The following PEX11G variants were observed in gnomAD, a reference collection of about 807,000 sequenced individuals.
PEX11G encodes the protein peroxisomal membrane protein 11C.
Under a neutral mutation model 22.5 loss-of-function variants are expected in PEX11G, and 20 were observed. That is an observed-to-expected ratio of 0.89 (90% CI 0.62 to 1.29). The LOEUF (loss-of-function observed/expected upper bound fraction) is 1.29. Among genes scored for constraint, PEX11G ranks in the 50% most tolerant of loss-of-function variants. PEX11G has a pLI of 0.00. For synonymous variants in PEX11G, 141 were observed against 154.5 expected, an observed-to-expected ratio of 0.91 and a Z score of 0.65; for missense variants, 347 against 331.3, an observed-to-expected ratio of 1.05 and a Z score of -0.37.
upstream of PEX11G, among the ~76,000 whole-genome samples, chr19:7,491,301 ACT>A (rs2021886142): frequency 8.6e-6 from 1 of 116,820 alleles, no homozygotes; most frequent in Non-Finnish European, 1.6e-5. Context: ...ACAGAGTCTC[ACT>A]CTGTCACCCA....
chr19:7,493,477 G>A (rs150809079), upstream of PEX11G, among the ~76,000 whole-genome samples: 1,623 of 150,224 alleles, frequency 0.011, 19 homozygotes, highest in Middle Eastern at 0.029. Flanking sequence ...TTACAGGCAT[G>A]GGCCACCATG....
chr19:7,487,071 A>G (rs1363041205), intron 1 of PEX11G, among the ~76,000 whole-genome samples: 3 of 152,156 alleles, frequency 2.0e-5, no homozygotes, highest in Admixed American at 6.6e-5. Context: ...AAAAGAAAAA[A>G]AAAGCTGGAA....
intron 3 of PEX11G, among the ~76,000 whole-genome samples, chr19:7,481,120 C>T (rs989190797): frequency 3.3e-5 from 5 of 152,116 alleles, no homozygotes; most frequent in Admixed American, 3.3e-4. Context: ...AGTCATGACC[C>T]CTTCTAAAAT....
intron 1 of PEX11G, among the ~76,000 whole-genome samples, chr19:7,494,525 T>C (rs2021944302): frequency 6.6e-6 from 1 of 152,186 alleles, no homozygotes; most frequent in Non-Finnish European, 1.5e-5. Context: ...AACAGCGCAA[T>C]GCATTTGCCC....
chr19:7,488,983 C>A lies in PEX11G; in HGVS notation c.28G>T (p.Ala10Ser). ...TCCCGGCCCCTGTACGACTCCAGCG[C>A]CGACGCCAGGCCGCTCAGCGACGCC... MASLSGLAS[A>S]LESYRGRDRL... Residue 10 changes from alanine (A) to serine (S), a missense_variant, in exon 1 of 5, where the codon GCG becomes TCG. Coordinates refer to ENST00000221480, the MANE Select transcript of PEX11G (RefSeq NM_080662.4). 1 of 1,550,642 alleles carries A rather than the reference C, an allele frequency of 6.4e-7. No homozygotes were observed. The highest frequency in any genetic ancestry group is 1.2e-5 in the South Asian group (1 of 84,302).
At chr19:7,480,247 C>CAAAAA (rs59917736) in intron 3 of PEX11G, among the ~76,000 whole-genome samples, 1 of 135,328 alleles carries the variant, frequency 7.4e-6, no homozygotes, top group South Asian at 2.4e-4. Context: ...CAGCCTGTCT[C>CAAAAA]AAAAAAAAAA....
rs781542958 is a variant in PEX11G at position 7,477,203 on chromosome 19, CAG to C, written c.723_724del (p.Ter242ThrfsTer47). ...TGTCCCTGTGCTCTTCCGGCAGTGT[CAG>C]GGGGTAGTGGCCTCGGCCTGGCCGC... On this transcript the variant is annotated frameshift_variant and stop_lost, in exon 5 of 5. Coordinates refer to ENST00000221480, the MANE Select transcript of PEX11G (RefSeq NM_080662.4). LOFTEE classifies it high-confidence loss of function. 31 of 1,490,928 alleles carry C rather than the reference CAG, an allele frequency of 2.1e-5. No individual in the cohort carries two copies. Among genetic ancestry groups the C allele is most frequent in the East Asian group, 7.3e-5 (3 of 40,820 alleles). The allele number at this position is 1,490,928 out of a possible 1,614,324, so 92.4% of individuals were successfully genotyped here. A position where few individuals can be genotyped will look rare whatever the true frequency, so the allele number is the denominator to read the frequency against.
intron 1 of PEX11G, among the ~76,000 whole-genome samples, chr19:7,487,061 AAAAG>A (rs1272554975): frequency 2.6e-5 from 4 of 152,172 alleles, no homozygotes; most frequent in African/African-American, 9.7e-5. Context: ...AAGAAAAAGA[AAAAG>A]AAAAAAAAAG....
chr19:7,489,130 T>A, upstream of PEX11G: 3 of 1,265,802 alleles, frequency 2.4e-6, no homozygotes, highest in South Asian at 3.6e-5. Flanking sequence ...TTTGTCCCCC[T>A]GACCGGCTTT....
rs569455965 is a variant in PEX11G at position 7,482,263 on chromosome 19, T to C, written c.250-52A>G. The C allele has an allele frequency of 4.0e-5, 59 of 1,488,106 alleles. No individual in the cohort carries two copies. The South Asian group carries it at 7.1e-4, about 18-fold the overall frequency. The allele number at this position is 1,488,106 out of a possible 1,614,324, so 92.2% of individuals were successfully genotyped here. A position where few individuals can be genotyped will look rare whatever the true frequency, so the allele number is the denominator to read the frequency against. On this transcript the variant is annotated intron_variant, in intron 2 of 4. Transcript: ENST00000221480. ...TAGGGTCAGACTTACCCACTGCCCA[T>C]TTTAGCACCGTAGCCATGCCAGGTG...
At chr19:7,478,408 C>G (rs745564859) in intron 3 of PEX11G, 32 bp from the exon 4 acceptor site, 2 of 1,591,304 alleles carry the variant, frequency 1.3e-6, no homozygotes, top group African/African-American at 2.7e-5. Flanking sequence ...GAGGATGCCC[C>G]GGCGGGGAGC....
chr19:7,479,851 G>A (rs1977404416), intron 3 of PEX11G, among the ~76,000 whole-genome samples: 1 of 152,236 alleles, frequency 6.6e-6, no homozygotes, highest in Non-Finnish European at 1.5e-5. Context: ...AGGGGCATCA[G>A]TTGTAACAAA....
At chr19:7,485,811 T>C in intron 2 of PEX11G, 27 bp downstream of exon 2, 1 of 1,559,530 alleles carries the variant, frequency 6.4e-7, no homozygotes, top group Non-Finnish European at 8.7e-7. Flanking sequence ...CGCACCCTAC[T>C]CCCTAGAGCC....
At chr19:7,484,841 G>C (rs2021562093) in intron 2 of PEX11G, among the ~76,000 whole-genome samples, 1 of 151,700 alleles carries the variant, frequency 6.6e-6, no homozygotes, top group South Asian at 2.1e-4. Context: ...TGGAAGATCA[G>C]GAAGGAGGGA....
upstream of PEX11G, among the ~76,000 whole-genome samples, chr19:7,492,318 A>C (rs2021904320): frequency 6.6e-6 from 1 of 152,134 alleles, no homozygotes; most frequent in Non-Finnish European, 1.5e-5. Flanking sequence ...CAATTTCGCC[A>C]CTTCCTTGCA....
rs1344120314 is a variant in PEX11G, at chr19:7,478,385, C to T, written c.429-9G>A. On this transcript the variant is annotated splice_polypyrimidine_tract_variant and intron_variant, in intron 3 of 4. Coordinates refer to ENST00000221480, the MANE Select transcript of PEX11G (RefSeq NM_080662.4). ...GCAGCATCCACAGGGACCTGCAGCACCAGAGCCCGAGGGAGGATGCCCCGG... is the reference window on the plus strand; with the variant it reads ...GCAGCATCCACAGGGACCTGCAGCATCAGAGCCCGAGGGAGGATGCCCCGG... 1.2e-6 allele frequency: 2 copies of T among 1,606,604 alleles called. No individual in the cohort carries two copies. The highest frequency in any genetic ancestry group is 1.7e-5 in the Admixed American group (1 of 58,934).
At chr19:7,478,276 G>A in intron 4 of PEX11G, 38 bp downstream of exon 4, 1 of 1,601,086 alleles carries the variant, frequency 6.2e-7, no homozygotes, top group Non-Finnish European at 8.5e-7. Flanking sequence ...CCTGCTGGAG[G>A]GAGTGGGCCT....
At chr19:7,485,304 G>A (rs1285949151) in intron 2 of PEX11G, among the ~76,000 whole-genome samples, 1 of 152,052 alleles carries the variant, frequency 6.6e-6, no homozygotes, top group Non-Finnish European at 1.5e-5. Flanking sequence ...CCAAGTAGCT[G>A]GAACTACAGG....
At chr19:7,489,851 CT>C (rs55711330), upstream of PEX11G, among the ~76,000 whole-genome samples, 7,852 of 143,780 alleles carry the variant, frequency 0.055, 267 homozygotes, top group East Asian at 0.11. Flanking sequence ...CTGGAGACGT[CT>C]TTTTTTTTTT....
Sources: allele counts gnomAD v4.1 joint callset (sites outside exome capture counted in the v4.1 genomes callset), GRCh38; gene constraint gnomAD v4.1.1; transcripts MANE v1.5; gene names NCBI Gene and HGNC (gene_info 2026-07-23, HGNC 2026-07-21).